The following DNAAF4 variants were observed in gnomAD, a reference collection of about 807,000 sequenced individuals.
DNAAF4 encodes the protein dynein axonemal assembly factor 4.
In DNAAF4, 43 loss-of-function variants were observed where a neutral mutation model predicts 51.8. The observed-to-expected ratio is 0.83, with a 90% CI of 0.65 to 1.07. The LOEUF (loss-of-function observed/expected upper bound fraction) is 1.07. DNAAF4 is among the 50% of genes least tolerant of loss of function. The pLI is 0.00. For missense variants in DNAAF4, 581 were observed against 493.0 expected, an observed-to-expected ratio of 1.18 and a Z score of -1.69; for synonymous variants, 194 against 165.6, an observed-to-expected ratio of 1.17 and a Z score of -1.32.
chr15:55,506,598 T>A (rs2058728572), intron 1 of DNAAF4, among the ~76,000 whole-genome samples: 1 of 152,184 alleles, frequency 6.6e-6, no homozygotes, highest in Non-Finnish European at 1.5e-5. Context: ...TTCCCCCATC[T>A]GAGAATTACT....
chr15:55,479,252 C>A (rs188257543), intron 4 of DNAAF4, among the ~76,000 whole-genome samples: 6 of 151,692 alleles, frequency 4.0e-5, no homozygotes, highest in African/African-American at 1.2e-4. Flanking sequence ...CCAAGTGTTG[C>A]GGGAAGTCAG....
chr15:55,417,920 C>T, exon 8 of DNAAF4: 1 of 501,836 alleles, frequency 2.0e-6, no homozygotes, highest in Non-Finnish European at 3.5e-6. Flanking sequence ...GGGCAGGGGT[C>T]ACAAGGTGCT....
rs1746328626 is a variant in DNAAF4, at chr15:55,442,324, G to T, written c.784-2743C>A. ...AGTAGAGACGGGGTTTCATCGTGTT[G>T]TCCAGACTGATCTTGAACTCCTGAG... On this transcript the variant is annotated intron_variant, in intron 6 of 9. Transcript: ENST00000321149. Among the ~76,000 whole-genome samples, 5 of 152,110 alleles carry T rather than the reference G, an allele frequency of 3.3e-5. 1 individual carries two copies. In the South Asian group the frequency reaches 1.0e-3, roughly 32 times the overall value.
intron 7 of DNAAF4, among the ~76,000 whole-genome samples, 182 bp from the exon 8 acceptor site, chr15:55,435,240 G>A (rs1159310667): frequency 6.6e-6 from 1 of 151,890 alleles, no homozygotes; most frequent in African/African-American, 2.4e-5. Flanking sequence ...TGAATGGAAT[G>A]GACCTCACTC....
chr15:55,493,187 C>T (rs1231508510), intron 3 of DNAAF4, among the ~76,000 whole-genome samples: 1 of 152,158 alleles, frequency 6.6e-6, no homozygotes, highest in Non-Finnish European at 1.5e-5. Context: ...CTGCCAGGAC[C>T]TTGATCTGGA....
intron 5 of DNAAF4, among the ~76,000 whole-genome samples, chr15:55,462,422 C>G (rs1440834013): frequency 2.6e-5 from 4 of 152,086 alleles, no homozygotes; most frequent in Non-Finnish European, 4.4e-5. Flanking sequence ...GAACTCCTGA[C>G]CTCAGGAGAT....
At chr15:55,463,985 A>G (rs1028926039) in intron 5 of DNAAF4, among the ~76,000 whole-genome samples, 7 of 152,196 alleles carry the variant, frequency 4.6e-5, no homozygotes, top group African/African-American at 1.7e-4. Context: ...ACAAAAAAAG[A>G]GCCCATATAG....
At chr15:55,485,822 A>G (rs980229956) in intron 4 of DNAAF4, among the ~76,000 whole-genome samples, 1 of 151,772 alleles carries the variant, frequency 6.6e-6, no homozygotes, top group East Asian at 1.9e-4. Context: ...GTGAAACCCC[A>G]TCTCTACCAA....
At chr15:55,430,845 A>ACTTT in intron 9 of DNAAF4, 66 bp from the exon 10 acceptor site, 1 of 1,280,074 alleles carries the variant, frequency 7.8e-7, no homozygotes, top group South Asian at 1.3e-5. Flanking sequence ...TTATCTAGAC[A>ACTTT]ATAGTTGTTT....
chr15:55,497,646 A>T (rs549671566), intron 3 of DNAAF4, 66 bp downstream of exon 3: 1 of 1,527,848 alleles, frequency 6.5e-7, no homozygotes, highest in Non-Finnish European at 8.8e-7. Context: ...TTCAAAATAA[A>T]ATTTTTTAAA....
intron 4 of DNAAF4, among the ~76,000 whole-genome samples, chr15:55,480,732 G>A (rs890152159): frequency 5.9e-5 from 9 of 152,144 alleles, no homozygotes; most frequent in African/African-American, 2.2e-4. Flanking sequence ...TATTACCAAC[G>A]CTTGTCCAAG....
chr15:55,459,697 T>G (rs545132919), intron 5 of DNAAF4, among the ~76,000 whole-genome samples: 14 of 140,098 alleles, frequency 1.0e-4, no homozygotes, highest in Non-Finnish European at 2.1e-4. Flanking sequence ...CTTTTTTCTT[T>G]CTTTCTTTCT....
intron 4 of DNAAF4, among the ~76,000 whole-genome samples, chr15:55,477,182 T>G (rs992016902): frequency 1.0e-4 from 15 of 150,056 alleles, no homozygotes; most frequent in Non-Finnish European, 1.8e-4. Flanking sequence ...AAAAAAAAAA[T>G]AAAAAAAGAA....
chr15:55,476,236 G>A (rs2058332971), intron 4 of DNAAF4, among the ~76,000 whole-genome samples: 1 of 152,106 alleles, frequency 6.6e-6, no homozygotes, highest in Non-Finnish European at 1.5e-5. Flanking sequence ...GGGATGCCAA[G>A]CCAGGAGGAT....
chr15:55,503,285 A>AACCT (rs546304637), intron 1 of DNAAF4, among the ~76,000 whole-genome samples: 449 of 152,326 alleles, frequency 2.9e-3, no homozygotes, highest in African/African-American at 0.01. Context: ...AATAATTAAT[A>AACCT]ACCTACCAAC....
rs74636040 is a variant in DNAAF4 at position 55,479,072 on chromosome 15, C to T, written c.406-11911G>A. Among the ~76,000 whole-genome samples, 730 of 151,268 alleles carry T rather than the reference C, an allele frequency of 4.8e-3. 11 individuals are homozygous for T. The highest frequency in any genetic ancestry group is 0.017 in the African/African-American group (712 of 41,106). Reference sequence around the variant, plus strand: ...GCAGTCTAAGTACTGTCAGGGTAGGCCCACTAGCTGTATGCACATTTTCCC... The same window carrying T: ...GCAGTCTAAGTACTGTCAGGGTAGGTCCACTAGCTGTATGCACATTTTCCC... On this transcript the variant is annotated intron_variant, in intron 4 of 9. Transcript: ENST00000321149.
intron 8 of DNAAF4, among the ~76,000 whole-genome samples, chr15:55,434,674 A>T (rs918338132): frequency 1.3e-5 from 2 of 152,068 alleles, no homozygotes; most frequent in African/African-American, 4.8e-5. Context: ...GCGCCCGGCC[A>T]GTAACAGCTG....
At chr15:55,457,769 A>T (rs2141480133) in intron 5 of DNAAF4, among the ~76,000 whole-genome samples, 1 of 152,234 alleles carries the variant, frequency 6.6e-6, no homozygotes, top group South Asian at 2.1e-4. Context: ...CACTAAACAA[A>T]ATTACAACAA....
chr15:55,434,857 TAGAA>T, intron 8 of DNAAF4, 44 bp downstream of exon 8: 1 of 1,368,662 alleles, frequency 7.3e-7, no homozygotes, highest in Non-Finnish European at 9.7e-7. Context: ...AACCAATTAA[TAGAA>T]GGATATATTT....
Sources: gnomAD v4.1 joint callset for allele counts (sites outside exome capture counted in the v4.1 genomes callset) on GRCh38, gnomAD v4.1.1 for gene constraint, MANE v1.5 for transcripts, NCBI Gene and HGNC (gene_info 2026-07-23, HGNC 2026-07-21) for gene names.